Variants in METTL14 observed in about 807,000 individuals in gnomAD.
METTL14 encodes methyltransferase 14, N6-adenosine-methyltransferase non-catalytic subunit, also known as N(6)-adenosine-methyltransferase non-catalytic subunit METTL14.
A neutral mutation model predicts 62.4 loss-of-function variants in METTL14; 32 were observed. That is an observed-to-expected ratio of 0.51 (90% CI 0.39 to 0.69). METTL14 has a LOEUF of 0.69. METTL14 is among the 30% of genes least tolerant of loss of function. The pLI, the probability that METTL14 is intolerant of heterozygous loss-of-function variation, is 0.00. For synonymous variants in METTL14, 150 were observed against 180.0 expected (o/e 0.83, Z 1.34); for missense variants, 340 against 551.9 (o/e 0.62, Z 3.85).
chr4:118,690,407 G>A (rs1487180598), intron 3 of METTL14, among the ~76,000 whole-genome samples: 1 of 151,924 alleles, frequency 6.6e-6, no homozygotes, highest in Non-Finnish European at 1.5e-5. Flanking sequence ...GGCCCAGTGT[G>A]GTGCCTCACG....
At chr4:118,686,093 C>A (rs1282758874) in intron 1 of METTL14, among the ~76,000 whole-genome samples, 1 of 152,224 alleles carries the variant, frequency 6.6e-6, no homozygotes, top group African/African-American at 2.4e-5. Context: ...TATAGAGTAT[C>A]CTTGTCACAT....
chr4:118,686,622 T>G (rs1444083017), intron 1 of METTL14: 1 of 456,286 alleles, frequency 2.2e-6, no homozygotes, highest in African/African-American at 2.0e-5. Flanking sequence ...CCCGCTGGCA[T>G]TACGATCTTG....
rs70941200 is a variant in METTL14, at chr4:118,690,035, C to CTTTTTTTTTTT, written c.243+589_243+599dup. ...CTGGTAAGAACTAGGTAATAATATTCTTTTTTTTTTTTTTTTTTTTTGTGA... is the reference window on the plus strand; with the variant it reads ...CTGGTAAGAACTAGGTAATAATATTCTTTTTTTTTTTTTTTTTTTTTTTTTTTTTTTTGTGA... On this transcript the variant is annotated intron_variant, in intron 3 of 10. Transcript: ENST00000388822. Among the ~76,000 whole-genome samples the CTTTTTTTTTTT allele has an allele frequency of 8.1e-5, 7 of 86,640 alleles. 1 individual carries two copies. The highest frequency in any genetic ancestry group is 3.6e-4 in the Admixed American group (2 of 5,592). 56.8% of individuals were successfully genotyped at this position (86,640 alleles called of 152,430 possible).
Position 118,710,196 on chromosome 4 carries a change from C to T in METTL14, c.1265C>T (p.Ser422Phe). 1.9e-6 allele frequency: 3 copies of T among 1,614,196 alleles called. No individual in the cohort carries two copies. The highest frequency in any genetic ancestry group is 1.3e-5 in the African/African-American group (1 of 75,046). Residue 422 changes from serine to phenylalanine, a missense_variant, in exon 11 of 11, where the codon TCT becomes TTT. Ser to Phe is a radical substitution (Grantham distance 155). Coordinates refer to ENST00000388822, the MANE Select transcript of METTL14 (RefSeq NM_020961.4). The part of the protein sequence containing the change: ...APRGGGRGGT[S>F]AGRGRERNRS... ...AGAGGTGGAGGAAGAGGTGGAACTT[C>T]TGCTGGCCGTGGACGAGAAAGAAAT... is the stretch of plus-strand genomic sequence containing the variant.
intron 8 of METTL14, among the ~76,000 whole-genome samples, chr4:118,701,248 A>G (rs946093664): frequency 2.0e-5 from 3 of 147,952 alleles, no homozygotes; most frequent in Admixed American, 6.8e-5. Context: ...CAGTGGCACA[A>G]TTGTGGCTTA....
Position 118,704,070 on chromosome 4 carries a change from TG to T in METTL14, c.855+20del, listed in dbSNP as rs752057988. On this transcript the variant is annotated intron_variant, in intron 9 of 10. Coordinates refer to ENST00000388822, the MANE Select transcript of METTL14 (RefSeq NM_020961.4). ...AACAAAGGTATTGCCTTTACTGATT[TG>T]TTTTTTTTAATTTTTGTGATTTTCT... The T allele has an allele frequency of 2.9e-5, 42 of 1,446,318 alleles. No individual in the cohort carries two copies. Among genetic ancestry groups the T allele is most frequent in the Non-Finnish European group, 3.9e-5 (41 of 1,053,642 alleles). The allele number at this position is 1,446,318 out of a possible 1,614,324, so 89.6% of individuals were successfully genotyped here.
intron 6 of METTL14, 33 bp downstream of exon 6, chr4:118,694,559 C>A (rs779080072): frequency 4.7e-6 from 7 of 1,490,134 alleles, no homozygotes; most frequent in South Asian, 1.1e-5. Context: ...TGTTTATTCC[C>A]AACTCAGGCT....
In METTL14 at chr4:118,714,274, C is replaced by T. The variant is rs921038256; in HGVS notation, c.*3972C>T. 4 of 152,188 alleles carry T rather than the reference C, an allele frequency of 2.6e-5. No homozygotes were observed. Among genetic ancestry groups the T allele is most frequent in the Non-Finnish European group, 5.9e-5 (4 of 68,036 alleles). The allele number at this position is 152,188 out of a possible 1,614,324, so 9.4% of individuals were successfully genotyped here. On this transcript the variant is annotated 3_prime_UTR_variant, in exon 11 of 11. Transcript: ENST00000388822. ...TTTTTCTCACTTTGATGAGTTCTCTCAACTCCTTTCTAAGAAAAGCAGAGC... is the reference window on the plus strand; with the variant it reads ...TTTTTCTCACTTTGATGAGTTCTCTTAACTCCTTTCTAAGAAAAGCAGAGC...
intron 10 of METTL14, among the ~76,000 whole-genome samples, chr4:118,709,246 AAT>A (rs2110411773): frequency 6.6e-6 from 1 of 152,272 alleles, no homozygotes; most frequent in Non-Finnish European, 1.5e-5. Context: ...ATTAATGAGA[AAT>A]GTTATTGGAA....
intron 10 of METTL14, among the ~76,000 whole-genome samples, chr4:118,707,052 GTTTATT>G (rs1724776115): frequency 6.6e-6 from 1 of 151,956 alleles, no homozygotes; most frequent in African/African-American, 2.4e-5. Flanking sequence ...CTTGTTGCAT[GTTTATT>G]TTTATTTAAT....
intron 9 of METTL14, 44 bp downstream of exon 9, chr4:118,704,095 C>A: frequency 8.3e-7 from 1 of 1,200,998 alleles, no homozygotes; most frequent in Non-Finnish European, 1.2e-6. Flanking sequence ...TTGTGATTTT[C>A]TCTCAAGCTT....
At chr4:118,696,143 A>AAAAAAAAAAT (rs1724405619) in intron 6 of METTL14, among the ~76,000 whole-genome samples, 1 of 150,686 alleles carries the variant, frequency 6.6e-6, no homozygotes, top group Non-Finnish European at 1.5e-5. Flanking sequence ...AAAAAAAAAA[A>AAAAAAAAAAT]AATTGTATTC....
chr4:118,709,974 T>A, intron 10 of METTL14, 24 bp from the exon 11 acceptor site: 1 of 1,563,264 alleles, frequency 6.4e-7, no homozygotes, highest in Non-Finnish European at 8.6e-7. Context: ...ATAAAAAGTA[T>A]AATCTTTTTT....
At chr4:118,702,136 T>C (rs1295757109) in intron 8 of METTL14, among the ~76,000 whole-genome samples, 2 of 150,590 alleles carry the variant, frequency 1.3e-5, no homozygotes, top group Non-Finnish European at 3.0e-5. Flanking sequence ...TTTTTTTTTT[T>C]TGAGGCAGAG....
chr4:118,692,485 C>G (rs1724280961), intron 5 of METTL14, among the ~76,000 whole-genome samples: 1 of 152,090 alleles, frequency 6.6e-6, no homozygotes, highest in Non-Finnish European at 1.5e-5. Context: ...CCAGGCTGGT[C>G]TGGAACTCCT....
intron 1 of METTL14, among the ~76,000 whole-genome samples, 187 bp from the exon 2 acceptor site, chr4:118,687,736 G>GT (rs1033654790): frequency 2.0e-5 from 3 of 152,028 alleles, no homozygotes; most frequent in Admixed American, 2.0e-4. Context: ...AATTAATGCG[G>GT]TTTTTTTCCA....
At chr4:118,702,118 C>CTTTT (rs70944803) in intron 8 of METTL14, among the ~76,000 whole-genome samples, 1 of 128,670 alleles carries the variant, frequency 7.8e-6, no homozygotes, top group African/African-American at 2.8e-5. Context: ...AGGTTTTTAT[C>CTTTT]TTTTTTTTTT....
At chr4:118,695,792 G>A (rs1724391241) in intron 6 of METTL14, among the ~76,000 whole-genome samples, 1 of 151,976 alleles carries the variant, frequency 6.6e-6, no homozygotes, top group African/African-American at 2.4e-5. Context: ...TAGCTTTGAA[G>A]GTTTTGTACA....
rs746420947 is a variant in METTL14 at position 118,688,027 on chromosome 4, C to CTTTT, written c.155+30_155+33dup. 1.6e-5 allele frequency: 21 copies of CTTTT among 1,291,228 alleles called. No individual in the cohort carries two copies. The highest frequency in any genetic ancestry group is 2.2e-5 in the Admixed American group (1 of 45,154). The allele number at this position is 1,291,228 out of a possible 1,614,324, so 80.0% of individuals were successfully genotyped here. A position where few individuals can be genotyped will look rare whatever the true frequency, so the allele number is the denominator to read the frequency against. On this transcript the variant is annotated intron_variant, in intron 2 of 10. Coordinates refer to ENST00000388822, the MANE Select transcript of METTL14 (RefSeq NM_020961.4). ...AAACTTGCAGGTCAGTCAGATAATT[C>CTTTT]TTTTTTTTTTTTTTTTTGAGACAGG...
Sources: allele counts gnomAD v4.1 joint callset (sites outside exome capture counted in the v4.1 genomes callset), GRCh38; gene constraint gnomAD v4.1.1; transcripts MANE v1.5; gene names NCBI Gene and HGNC (gene_info 2026-07-23, HGNC 2026-07-21).